SCN2A: variants seen among roughly 807,000 people sequenced by gnomAD.
SCN2A encodes the protein sodium voltage-gated channel alpha subunit 2, also known as sodium channel protein type 2 subunit alpha.
In SCN2A, 20 loss-of-function variants were observed where a neutral mutation model predicts 188.7. The ratio of observed to expected loss-of-function variants is 0.11; its 90% CI spans 0.07 to 0.15. The LOEUF is 0.15. SCN2A is among the 10% of genes least tolerant of loss of function. SCN2A has a pLI of 1.00. For missense variants in SCN2A, 1,278 were observed against 2,445.0 expected, an observed-to-expected ratio of 0.52 and a Z score of 10.07; for synonymous variants, 804 against 833.1, an observed-to-expected ratio of 0.97 and a Z score of 0.60.
chr2:165,380,551 AAG>A, intron 23 of SCN2A, 39 bp from the exon 24 acceptor site: 3 of 1,453,476 alleles, frequency 2.1e-6, no homozygotes, highest in Non-Finnish European at 2.9e-6. Context: ...TTTGTGAAAC[AAG>A]TACTAGATAT....
chr2:165,391,379 A>G lies in SCN2A; in HGVS notation c.*1555A>G, dbSNP rs1412044344. The G allele has an allele frequency of 6.6e-6, 1 of 152,540 alleles. No individual in the cohort carries two copies. The highest frequency in any genetic ancestry group is 2.4e-5 in the African/African-American group (1 of 41,450). 9.4% of individuals were successfully genotyped at this position (152,540 alleles called of 1,614,324 possible). ...TTTCTAAGAAAATATAAATACTGTA[A>G]AAAGTTCATTTTATTTTATTTTTCA... On this transcript the variant is annotated 3_prime_UTR_variant, in exon 27 of 27. Transcript: ENST00000375437.
rs1697593816 is a variant in SCN2A, at chr2:165,314,093, A to T, written c.1368A>T (p.Gln456His). The T allele has an allele frequency of 6.2e-7, 1 of 1,613,272 alleles. No individual in the cohort carries two copies. The change falls in exon 10 of 27, where the codon CAA becomes CAT. Residue 456 changes from glutamine (Q) to histidine (H), a missense_variant. Gln to His is a conservative substitution (Grantham distance 24). Coordinates refer to ENST00000375437, the MANE Select transcript of SCN2A (RefSeq NM_001040142.2). ...AGATGCTCGAACAGTTGAAAAAGCAACAAGAAGAAGCTCAGGTATAGTGAA... is the reference window on the plus strand; with the variant it reads ...AGATGCTCGAACAGTTGAAAAAGCATCAAGAAGAAGCTCAGGTATAGTGAA... ...FQQMLEQLKK[Q>H]QEEAQAAAAA...
chr2:165,240,882 G>C (rs1693590783), intron 1 of SCN2A, among the ~76,000 whole-genome samples: 1 of 152,108 alleles, frequency 6.6e-6, no homozygotes, highest in South Asian at 2.1e-4. Flanking sequence ...AGAGTTTGTA[G>C]TTCTACATGG....
chr2:165,358,613 T>A (rs1463404368), intron 17 of SCN2A, among the ~76,000 whole-genome samples: 3 of 152,102 alleles, frequency 2.0e-5, no homozygotes, highest in African/African-American at 7.2e-5. Flanking sequence ...ATAGTGATAA[T>A]GAGAGACTTA....
intron 20 of SCN2A, 43 bp downstream of exon 20, chr2:165,370,342 G>A (rs781375341): frequency 1.9e-5 from 30 of 1,599,016 alleles, no homozygotes; most frequent in Middle Eastern, 3.3e-4. Flanking sequence ...TGGCATATAT[G>A]TAATAGTTCT....
intron 15 of SCN2A, 71 bp downstream of exon 15, chr2:165,342,540 T>C (rs1280416461): frequency 6.7e-7 from 1 of 1,498,072 alleles, no homozygotes; most frequent in Admixed American, 1.7e-5. Context: ...CTAGTAAAAA[T>C]GGCAAGATTT....
intron 22 of SCN2A, among the ~76,000 whole-genome samples, chr2:165,375,571 C>A (rs1003029798): frequency 2.0e-5 from 3 of 151,914 alleles, no homozygotes; most frequent in Non-Finnish European, 2.9e-5. Flanking sequence ...CACTAAGAAA[C>A]TGAGAAAATG....
chr2:165,314,222 A>T (rs1451653129), intron 10 of SCN2A, 114 bp downstream of exon 10: 5 of 1,041,492 alleles, frequency 4.8e-6, no homozygotes, highest in Non-Finnish European at 7.2e-6. Context: ...TGTGTTTGGT[A>T]AGTGCTAGGA....
chr2:165,288,285 G>A (rs1409611439), intron 1 of SCN2A, among the ~76,000 whole-genome samples: 1 of 152,110 alleles, frequency 6.6e-6, no homozygotes, highest in African/African-American at 2.4e-5. Context: ...CAAGTAAATA[G>A]CCATTGTTCA....
intron 1 of SCN2A, chr2:165,241,003 C>T (rs912153324): frequency 1.3e-5 from 2 of 152,070 alleles, no homozygotes; most frequent in African/African-American, 2.4e-5. Context: ...CCCAGAGTCA[C>T]GTACTAAATT....
rs150369050 is a variant in SCN2A at position 165,350,827 on chromosome 2, G to A, written c.2920-3365G>A. Among the ~76,000 whole-genome samples the A allele has an allele frequency of 1.6e-4, 25 of 152,130 alleles. 1 individual carries two copies. Among genetic ancestry groups the A allele is most frequent in the Admixed American group, 5.2e-4 (8 of 15,268 alleles). Reference sequence around the variant, plus strand: ...CAAACACCTGTGCCAGCTGTTATGCGCATACCCTTCGGTAACAAAGGAAGT... The same window carrying A: ...CAAACACCTGTGCCAGCTGTTATGCACATACCCTTCGGTAACAAAGGAAGT... On this transcript the variant is annotated intron_variant, in intron 16 of 26. Transcript: ENST00000375437.
intron 14 of SCN2A, among the ~76,000 whole-genome samples, chr2:165,335,663 A>G (rs1283778562): frequency 6.6e-6 from 1 of 151,814 alleles, no homozygotes; most frequent in Non-Finnish European, 1.5e-5. Flanking sequence ...ATTTAGAAGT[A>G]AATCTTCATG....
intron 21 of SCN2A, 99 bp from the exon 22 acceptor site, chr2:165,374,586 A>AT: frequency 2.2e-6 from 3 of 1,354,670 alleles, no homozygotes; most frequent in South Asian, 1.2e-5. Context: ...TTTGAAACAG[A>AT]TTTTTTTAAT....
chr2:165,341,455 G>A (rs1452522394), intron 14 of SCN2A, among the ~76,000 whole-genome samples: 12 of 152,162 alleles, frequency 7.9e-5, no homozygotes, highest in Admixed American at 7.2e-4. Flanking sequence ...ATAAAGAAAC[G>A]GGAAGTAGCC....
chr2:165,256,152 C>T (rs760390650), intron 1 of SCN2A, among the ~76,000 whole-genome samples: 1 of 151,726 alleles, frequency 6.6e-6, no homozygotes, highest in Non-Finnish European at 1.5e-5. Context: ...ACTACAGGCA[C>T]CTGCCCCCAC....
intron 14 of SCN2A, among the ~76,000 whole-genome samples, chr2:165,334,919 A>G (rs886116843): frequency 6.6e-6 from 1 of 151,714 alleles, no homozygotes; most frequent in Non-Finnish European, 1.5e-5. Context: ...AAGATTGCAG[A>G]ATACAAGATC....
Position 165,377,659 on chromosome 2 carries a change from A to C in SCN2A, c.4308+9A>C. Reference sequence around the variant, plus strand: ...CTGTTGATTCACGAAATGTAAGTCTAGTTAGAGGGAAATTGTTTAGTTTGA... The same window carrying C: ...CTGTTGATTCACGAAATGTAAGTCTCGTTAGAGGGAAATTGTTTAGTTTGA... On this transcript the variant is annotated intron_variant, in intron 23 of 26. Coordinates refer to ENST00000375437, the MANE Select transcript of SCN2A (RefSeq NM_001040142.2). 6.3e-7 allele frequency: 1 copy of C among 1,599,350 alleles called. No individual in the cohort carries two copies. Among genetic ancestry groups the C allele is most frequent in the Non-Finnish European group, 8.6e-7 (1 of 1,169,546 alleles).
chr2:165,362,581 A>C (rs1034168223), intron 17 of SCN2A, among the ~76,000 whole-genome samples: 1 of 152,066 alleles, frequency 6.6e-6, no homozygotes, highest in Non-Finnish European at 1.5e-5. Context: ...TCAATACTTA[A>C]TGAACAGCAT....
intron 1 of SCN2A, among the ~76,000 whole-genome samples, chr2:165,250,540 A>C (rs568418238): frequency 4.1e-4 from 62 of 151,282 alleles, no homozygotes; most frequent in East Asian, 9.6e-4. Context: ...TATACACACA[A>C]AAAAAATCTC....
Sources: gnomAD v4.1 joint callset for allele counts (sites outside exome capture counted in the v4.1 genomes callset) on GRCh38, gnomAD v4.1.1 for gene constraint, MANE v1.5 for transcripts, NCBI Gene and HGNC (gene_info 2026-07-23, HGNC 2026-07-21) for gene names.